The following SLC4A1AP variants were observed in gnomAD, a reference collection of about 807,000 sequenced individuals.
SLC4A1AP encodes kanadaptin.
A neutral mutation model predicts 89.7 loss-of-function variants in SLC4A1AP; 64 were observed. The ratio of observed to expected loss-of-function variants is 0.71; its 90% confidence interval spans 0.58 to 0.88. The LOEUF (loss-of-function observed/expected upper bound fraction) is 0.88. Ranked by LOEUF, SLC4A1AP falls within the 40% of genes least tolerant of loss-of-function variation. The pLI is 0.00. For synonymous variants in SLC4A1AP, 366 were observed against 353.3 expected (o/e 1.04, Z -0.40); for missense variants, 931 against 965.0 (o/e 0.96, Z 0.47).
chr2:27,674,948 TC>T (rs1261924646), intron 5 of SLC4A1AP, among the ~76,000 whole-genome samples: 1 of 152,108 alleles, frequency 6.6e-6, no homozygotes, highest in African/African-American at 2.4e-5. Flanking sequence ...AGGCGATCCA[TC>T]CCCCTTCAGC....
chr2:27,673,326 T>G (rs994231761), intron 5 of SLC4A1AP, among the ~76,000 whole-genome samples: 1 of 3,570 alleles, frequency 2.8e-4, no homozygotes, highest in African/African-American at 4.0e-4. Flanking sequence ...CTCTCTCTCT[T>G]TCTTTTCTTT....
Position 27,675,538 on chromosome 2 carries a change from G to A in SLC4A1AP, c.1352G>A (p.Arg451Gln), listed in dbSNP as rs115549137. ...TCATTTTATCTACCTCTAGTATCTC[G>A]GAAAAGGAAAGCCAAGAACTGGGAA... Residue 451 changes from arginine (R) to glutamine (Q), a missense_variant, in exon 6 of 14, where the codon CGG (arginine) becomes CAG (glutamine). Coordinates refer to ENST00000613058, the Ensembl canonical transcript of SLC4A1AP. 352 of 1,568,254 alleles carry A rather than the reference G, an allele frequency of 2.2e-4. No homozygotes were observed. In the East Asian group the frequency reaches 7.6e-3, roughly 34 times the overall value.
chr2:27,664,203 G>T, exon 1 of SLC4A1AP: 4 of 1,614,102 alleles, frequency 2.5e-6, no homozygotes, highest in Non-Finnish European at 2.5e-6. Flanking sequence ...TCCAGCCCGG[G>T]CTCCCCCCTA....
chr2:27,692,133 A>G (rs1255609164), intron 12 of SLC4A1AP: 1 of 152,196 alleles, frequency 6.6e-6, no homozygotes, highest in Non-Finnish European at 1.5e-5. Flanking sequence ...TGATGTAGGC[A>G]TTTAACACTA....
chr2:27,666,932 A>G (rs970265965), intron 2 of SLC4A1AP, among the ~76,000 whole-genome samples: 6 of 150,824 alleles, frequency 4.0e-5, no homozygotes, highest in African/African-American at 1.5e-4. Flanking sequence ...AGGTAGCGCG[A>G]TCTTGGCTCA....
At chr2:27,688,088 G>A (rs1490736456) in intron 11 of SLC4A1AP, 68 bp downstream of exon 11, 6 of 1,308,222 alleles carry the variant, frequency 4.6e-6, no homozygotes, top group Admixed American at 3.5e-5. Flanking sequence ...TAAGGGAGGG[G>A]CTGGCAGCTG....
At chr2:27,664,380 C>T in exon 1 of SLC4A1AP, 1 of 1,614,216 alleles carries the variant, frequency 6.2e-7, no homozygotes. Context: ...GTCTCGGTAC[C>T]ACGCAGTGCT....
chr2:27,679,558 C>T (rs1286660288), intron 8 of SLC4A1AP, among the ~76,000 whole-genome samples: 2 of 151,962 alleles, frequency 1.3e-5, no homozygotes, highest in Non-Finnish European at 1.5e-5. Flanking sequence ...GCCGAGATTG[C>T]GCCACTGCAC....
chr2:27,676,685 A>G (rs1436483034), intron 6 of SLC4A1AP, among the ~76,000 whole-genome samples: 2 of 151,258 alleles, frequency 1.3e-5, no homozygotes, highest in Non-Finnish European at 1.5e-5. Context: ...CAAAAATTAG[A>G]CAGGCGTGGT....
At chr2:27,676,841 A>C (rs536887051) in intron 6 of SLC4A1AP, among the ~76,000 whole-genome samples, 99 of 151,776 alleles carry the variant, frequency 6.5e-4, no homozygotes, top group Non-Finnish European at 9.7e-4. Context: ...AAAAAAAAAA[A>C]AAAAAACTAT....
At chr2:27,677,457 G>A (rs1466731875) in intron 7 of SLC4A1AP, 93 bp downstream of exon 7, 1 of 856,492 alleles carries the variant, frequency 1.2e-6, no homozygotes, top group Non-Finnish European at 1.9e-6. Flanking sequence ...ATACCATACA[G>A]AATATGGAGC....
chr2:27,668,480 C>G (rs1307277482), intron 3 of SLC4A1AP, among the ~76,000 whole-genome samples: 2 of 152,102 alleles, frequency 1.3e-5, no homozygotes, highest in Non-Finnish European at 1.5e-5. Flanking sequence ...GACAGGGTCT[C>G]ACTCTGTCGC....
At position 27,667,374 on chromosome 2, in the gene SLC4A1AP, C is replaced by CT; in HGVS notation, c.1134dup (p.Asp379Ter). ...AGGATCCCAAAAAGGCTCTCCAAGG[C>CT]TTTTTTGACCGAGAAGGTATGTAAA... On this transcript the variant is annotated frameshift_variant, in exon 3 of 14. Coordinates refer to ENST00000613058, the Ensembl canonical transcript of SLC4A1AP. LOFTEE classifies it high-confidence loss of function. 6.2e-7 allele frequency: 1 copy of CT among 1,612,542 alleles called. No homozygotes were observed. Among genetic ancestry groups the CT allele is most frequent in the Non-Finnish European group, 8.5e-7 (1 of 1,179,356 alleles).
At chr2:27,689,207 G>A (rs1168312968) in intron 12 of SLC4A1AP, among the ~76,000 whole-genome samples, 1 of 152,098 alleles carries the variant, frequency 6.6e-6, no homozygotes, top group African/African-American at 2.4e-5. Flanking sequence ...TTATCTAACA[G>A]TTCCTTACAG....
At chr2:27,670,453 T>C (rs1675403320) in intron 5 of SLC4A1AP, among the ~76,000 whole-genome samples, 2 of 152,148 alleles carry the variant, frequency 1.3e-5, no homozygotes, top group Non-Finnish European at 2.9e-5. Flanking sequence ...GGTTCAAAAC[T>C]ACCAAAAGGC....
chr2:27,688,042 A>G (rs1572996612), intron 11 of SLC4A1AP, 22 bp downstream of exon 11: 1 of 1,599,734 alleles, frequency 6.3e-7, no homozygotes, highest in Non-Finnish European at 8.6e-7. Context: ...GGCAGCCTTC[A>G]TTGCTGCTCT....
At chr2:27,692,128 T>C in intron 12 of SLC4A1AP, 1 of 152,222 alleles carries the variant, frequency 6.6e-6, no homozygotes, top group Admixed American at 6.5e-5. Flanking sequence ...CTTCTTGATG[T>C]AGGCATTTAA....
chr2:27,666,619 G>A (rs76734592), intron 2 of SLC4A1AP, among the ~76,000 whole-genome samples: 1 of 152,008 alleles, frequency 6.6e-6, no homozygotes, highest in African/African-American at 2.4e-5. Flanking sequence ...AGTTAGATAT[G>A]AGTGTGAGAG....
chr2:27,675,655 G>A, exon 6 of SLC4A1AP: 1 of 1,600,118 alleles, frequency 6.2e-7, no homozygotes, highest in Non-Finnish European at 8.5e-7. Context: ...AAGAAGGCTG[G>A]CAAGATTGAT....
Sources: allele counts gnomAD v4.1 joint callset (sites outside exome capture counted in the v4.1 genomes callset), GRCh38; gene constraint gnomAD v4.1.1; transcripts MANE v1.5; gene names NCBI Gene and HGNC (gene_info 2026-07-23, HGNC 2026-07-21).